KIRREL3: variants seen among roughly 807,000 people sequenced by gnomAD.
The protein encoded by KIRREL3 is kirre like nephrin family adhesion molecule 3, also known as kin of IRRE-like protein 3.
In KIRREL3, 36 loss-of-function variants were observed where a neutral mutation model predicts 89.7. That is an observed-to-expected ratio of 0.40 (90% CI 0.31 to 0.53). KIRREL3 has a LOEUF of 0.53. KIRREL3 is among the 20% of genes least tolerant of loss of function. KIRREL3 has a pLI of 0.49. For missense variants in KIRREL3, 864 were observed against 1,056.6 expected, an observed-to-expected ratio of 0.82 and a Z score of 2.53; for synonymous variants, 445 against 441.4, an observed-to-expected ratio of 1.01 and a Z score of -0.10.
Position 126,981,032 on chromosome 11 carries a change from C to T in KIRREL3, c.55+19423G>A, listed in dbSNP as rs1427696909. On this transcript the variant is annotated intron_variant, in intron 1 of 16. Transcript: ENST00000525144. This position sits in a 1 kb window ranked among gnomAD's most constrained non-coding sequence, Gnocchi z 4.2. ...GCAATGAGAGATGGTATACTTAGAT[C>T]TCTGTACCGTGGACTATCATTATTC... Among the ~76,000 whole-genome samples, 1 of 152,178 alleles carries T rather than the reference C, an allele frequency of 6.6e-6. No homozygotes were observed. Among genetic ancestry groups the T allele is most frequent in the Non-Finnish European group, 1.5e-5 (1 of 68,030 alleles).
chr11:126,453,431 G>A (rs1284682276), intron 7 of KIRREL3, among the ~76,000 whole-genome samples: 1 of 152,206 alleles, frequency 6.6e-6, no homozygotes, highest in Non-Finnish European at 1.5e-5. Flanking sequence ...TAGCTTCAGA[G>A]ATGACAGCCT....
intron 1 of KIRREL3, among the ~76,000 whole-genome samples, chr11:126,834,162 C>A (rs574743716): frequency 6.6e-6 from 1 of 152,170 alleles, no homozygotes; most frequent in African/African-American, 2.4e-5. Context: ...GTTTGAGGTT[C>A]GCCTCTAGTT....
chr11:126,540,478 T>A (rs1201480211), intron 2 of KIRREL3, among the ~76,000 whole-genome samples: 1 of 152,146 alleles, frequency 6.6e-6, no homozygotes, highest in Admixed American at 6.5e-5. Flanking sequence ...CTGGACAGTG[T>A]GGGTCTTTAA....
intron 13 of KIRREL3, among the ~76,000 whole-genome samples, chr11:126,433,668 G>A (rs1333161868): frequency 6.6e-6 from 1 of 152,242 alleles, no homozygotes; most frequent in African/African-American, 2.4e-5. Flanking sequence ...AGCTTGCCTT[G>A]ACCAATAGAC....
At position 126,568,544 on chromosome 11, in the gene KIRREL3, C is replaced by A. The variant is rs543797889; in HGVS notation, c.56-5632G>T. Among the ~76,000 whole-genome samples the A allele has an allele frequency of 2.0e-5, 3 of 152,274 alleles. No individual in the cohort carries two copies. Among genetic ancestry groups the A allele is most frequent in the African/African-American group, 4.8e-5 (2 of 41,552 alleles). Reference sequence around the variant, plus strand: ...GCCTGAGATCATCTGGAGGAGACACCAGCTGGGTTTGGTTGGACTCACAGG... The same window carrying A: ...GCCTGAGATCATCTGGAGGAGACACAAGCTGGGTTTGGTTGGACTCACAGG... On this transcript the variant is annotated intron_variant, in intron 1 of 16. Coordinates refer to ENST00000525144, the MANE Select transcript of KIRREL3 (RefSeq NM_032531.4). The surrounding 1 kb of genome is among the most constrained non-coding windows in gnomAD (Gnocchi z 4.6).
At chr11:126,524,151 C>T (rs1004003755) in intron 3 of KIRREL3, among the ~76,000 whole-genome samples, 9 of 152,206 alleles carry the variant, frequency 5.9e-5, no homozygotes, top group Admixed American at 6.5e-5. Context: ...GGGTGAGTTA[C>T]TTTAACTTCT....
rs998090252 is a variant in KIRREL3, at chr11:126,485,393, T to C, written c.434-11927A>G. Among the ~76,000 whole-genome samples the C allele has an allele frequency of 6.6e-6, 1 of 152,120 alleles. No individual in the cohort carries two copies. Among genetic ancestry groups the C allele is most frequent in the African/African-American group, 2.4e-5 (1 of 41,444 alleles). On this transcript the variant is annotated intron_variant, in intron 4 of 16. Coordinates refer to ENST00000525144, the MANE Select transcript of KIRREL3 (RefSeq NM_032531.4). This position sits in a 1 kb window ranked among gnomAD's most constrained non-coding sequence, Gnocchi z 5.8. ...AAGCCCACTTCTCAGCTGGAGCTCA[T>C]ATTGTTTAGGGGATAAGAAGGGAGG... is the stretch of plus-strand genomic sequence containing the variant.
chr11:126,728,985 G>C (rs1948504163), intron 1 of KIRREL3, among the ~76,000 whole-genome samples: 1 of 152,232 alleles, frequency 6.6e-6, no homozygotes, highest in African/African-American at 2.4e-5. Flanking sequence ...GGGCTGTCCT[G>C]TTGCTGAGGA....
In KIRREL3 at chr11:126,812,521, ACT is replaced by A. The variant is rs1951424861; in HGVS notation, c.55+187932_55+187933del. ...CAGATGCACACGAGTCAGTTCTGCC[ACT>A]CCAGTACTCCGCACGGTGTCTGGCA... On this transcript the variant is annotated intron_variant, in intron 1 of 16. Coordinates refer to ENST00000525144, the MANE Select transcript of KIRREL3 (RefSeq NM_032531.4). The surrounding 1 kb of genome is among the most constrained non-coding windows in gnomAD (Gnocchi z 5.2). Among the ~76,000 whole-genome samples the A allele has an allele frequency of 6.6e-6, 1 of 152,084 alleles. No homozygotes were observed. The highest frequency in any genetic ancestry group is 1.5e-5 in the Non-Finnish European group (1 of 68,012).
At chr11:126,960,898 T>A (rs1426007988) in intron 1 of KIRREL3, among the ~76,000 whole-genome samples, 2 of 152,210 alleles carry the variant, frequency 1.3e-5, no homozygotes, top group African/African-American at 2.4e-5. Context: ...TGTCTCACAT[T>A]ATGGTTATTA....
intron 1 of KIRREL3, among the ~76,000 whole-genome samples, chr11:126,803,708 C>T (rs1951112460): frequency 6.6e-6 from 1 of 152,112 alleles, no homozygotes; most frequent in Admixed American, 6.5e-5. Context: ...TGCTGGCTGT[C>T]ACCTGTGCTG....
chr11:126,513,722 G>A lies in KIRREL3; in HGVS notation c.433+7593C>T, dbSNP rs907835275. ...CAGATTATGGGGGCAGGGAGATTGT[G>A]GGGGGCGACCTTGGAGTGCAGCAGG... On this transcript the variant is annotated intron_variant, in intron 4 of 16. Transcript: ENST00000525144. This position sits in a 1 kb window ranked among gnomAD's most constrained non-coding sequence, Gnocchi z 5.9. 1.3e-5 allele frequency among the ~76,000 whole-genome samples: 2 copies of A among 152,084 alleles called. No individual in the cohort carries two copies. The highest frequency in any genetic ancestry group is 1.3e-4 in the Admixed American group (2 of 15,280).
chr11:126,685,931 C>T lies in KIRREL3; in HGVS notation c.56-123019G>A, dbSNP rs1467762361. Among the ~76,000 whole-genome samples, 4 of 152,254 alleles carry T rather than the reference C, an allele frequency of 2.6e-5. No individual in the cohort carries two copies. The highest frequency in any genetic ancestry group is 2.6e-4 in the Admixed American group (4 of 15,290). On this transcript the variant is annotated intron_variant, in intron 1 of 16. Coordinates refer to ENST00000525144, the MANE Select transcript of KIRREL3 (RefSeq NM_032531.4). This position sits in a 1 kb window ranked among gnomAD's most constrained non-coding sequence, Gnocchi z 5.5. ...CTGTGCCTGCTCAATGCTGAATCTG[C>T]TTCCCATGTGCACAGCTTACTCCTT... is the stretch of plus-strand genomic sequence containing the variant.
In KIRREL3 at chr11:126,696,002, C is replaced by T. The variant is rs1335126841; in HGVS notation, c.56-133090G>A. Among the ~76,000 whole-genome samples the T allele has an allele frequency of 1.3e-5, 2 of 152,034 alleles. No homozygotes were observed. The highest frequency in any genetic ancestry group is 1.9e-4 in the East Asian group (1 of 5,178). On this transcript the variant is annotated intron_variant, in intron 1 of 16. Coordinates refer to ENST00000525144, the MANE Select transcript of KIRREL3 (RefSeq NM_032531.4). The surrounding 1 kb of genome is among the most constrained non-coding windows in gnomAD (Gnocchi z 4.4). The stretch of plus-strand genomic sequence containing the variant: ...GGCGAGGTGGCTTATGCCTGTAATC[C>T]CAGCACTTTGGGAGGCTGAGGCGGG...
At chr11:126,638,870 A>T (rs1944364597) in intron 1 of KIRREL3, among the ~76,000 whole-genome samples, 3 of 152,172 alleles carry the variant, frequency 2.0e-5, no homozygotes, top group Non-Finnish European at 4.4e-5. Context: ...CCATGGCCCC[A>T]GTGACAGCAG....
chr11:126,804,586 G>T (rs1951145175), intron 1 of KIRREL3, among the ~76,000 whole-genome samples: 2 of 152,142 alleles, frequency 1.3e-5, no homozygotes, highest in Non-Finnish European at 2.9e-5. Context: ...ACTGGTTTTT[G>T]GTTGGGGAGG....
intron 1 of KIRREL3, among the ~76,000 whole-genome samples, chr11:126,673,039 C>T (rs1946028362): frequency 1.3e-5 from 2 of 152,172 alleles, no homozygotes; most frequent in African/African-American, 4.8e-5. Context: ...ATATTAAAGA[C>T]AGAAATGGTC....
chr11:126,665,770 G>C (rs2135034738), intron 1 of KIRREL3, among the ~76,000 whole-genome samples: 1 of 152,354 alleles, frequency 6.6e-6, no homozygotes, highest in East Asian at 1.9e-4. Context: ...AGCCCCAGTG[G>C]TGAAGAGCAC....
chr11:126,692,772 T>G (rs1946930295), intron 1 of KIRREL3, among the ~76,000 whole-genome samples: 1 of 152,180 alleles, frequency 6.6e-6, no homozygotes, highest in Non-Finnish European at 1.5e-5. Flanking sequence ...TTCACATCTA[T>G]GAGGGTCTAA....
Sources: gnomAD v4.1 joint callset for allele counts (sites outside exome capture counted in the v4.1 genomes callset) on GRCh38, gnomAD v4.1.1 for gene constraint, Gnocchi (gnomAD v3.1) non-coding constraint, MANE v1.5 for transcripts, NCBI Gene and HGNC (gene_info 2026-07-23, HGNC 2026-07-21) for gene names.